The following ZSCAN4 variants were observed in gnomAD, a reference collection of about 807,000 sequenced individuals.
The protein encoded by ZSCAN4 is zinc finger and SCAN domain-containing protein 4.
In ZSCAN4, 18 loss-of-function variants were observed where a neutral mutation model predicts 18.3. That is an observed-to-expected ratio of 0.98 (90% CI 0.68 to 1.46). The LOEUF (loss-of-function observed/expected upper bound fraction) is 1.46, where lower values mean the gene tolerates loss of function less well. ZSCAN4 is among the 40% of genes most tolerant of loss of function. The pLI is 0.00. For missense variants in ZSCAN4, 498 were observed against 511.4 expected (o/e 0.97, Z 0.25); for synonymous variants, 193 against 180.3 (o/e 1.07, Z -0.57).
At chr19:57,676,118 A>C (rs1477450436) in exon 3 of ZSCAN4, 19 of 1,571,642 alleles carry the variant, frequency 1.2e-5, no homozygotes, top group Non-Finnish European at 1.5e-5. Context: ...TCATCAAAGT[A>C]AAGTCTCTCT....
chr19:57,669,532 ATTC>A (rs1451633557), intron 1 of ZSCAN4, among the ~76,000 whole-genome samples: 1 of 151,982 alleles, frequency 6.6e-6, no homozygotes, highest in Non-Finnish European at 1.5e-5. Context: ...GGTTCAAACA[ATTC>A]TTCTGCTCAG....
the ZSCAN4 span, among the ~76,000 whole-genome samples, chr19:57,656,534 G>A: frequency 6.6e-6 from 1 of 152,146 alleles, no homozygotes; most frequent in African/African-American, 2.4e-5. Flanking sequence ...TGCCCAGTTT[G>A]TGGTCAGACT....
intron 2 of ZSCAN4, among the ~76,000 whole-genome samples, chr19:57,671,323 T>A (rs900137830): frequency 1.3e-5 from 2 of 152,206 alleles, no homozygotes; most frequent in Non-Finnish European, 2.9e-5. Context: ...TGTTTTGAAT[T>A]CCCAGGTTCT....
chr19:57,674,956 G>GTTTT lies in ZSCAN4; in HGVS notation c.-105-1068_-105-1065dup, dbSNP rs11303340. ...CTTTATAAAATATTTTTCACATCAA[G>GTTTT]TTTTTTTTTTTTTTTTTTTTAAGAG... On this transcript the variant is annotated intron_variant, in intron 2 of 4. Transcript: ENST00000318203. Among the ~76,000 whole-genome samples the GTTTT allele has an allele frequency of 3.9e-3, 501 of 128,552 alleles. 7 individuals are homozygous for GTTTT. Among genetic ancestry groups the GTTTT allele is most frequent in the African/African-American group, 0.014 (471 of 33,566 alleles). The allele number at this position is 128,552 out of a possible 152,430, so 84.3% of individuals were successfully genotyped here. A position where few individuals can be genotyped will look rare whatever the true frequency, so the allele number is the denominator to read the frequency against.
In ZSCAN4 at chr19:57,670,242, C is replaced by T. The variant is rs1219439132; in HGVS notation, c.-428-3C>T. 2 of 152,224 alleles carry T rather than the reference C, an allele frequency of 1.3e-5. No individual in the cohort carries two copies. The highest frequency in any genetic ancestry group is 1.9e-4 in the East Asian group (1 of 5,198). 9.4% of individuals were successfully genotyped at this position (152,224 alleles called of 1,614,324 possible). A position where few individuals can be genotyped will look rare whatever the true frequency, so the allele number is the denominator to read the frequency against. Reference sequence around the variant, plus strand: ...TGTGTTTGTTTATGACCTGTTGACCCAGGACCAGTGATGGTATAGAACACT... The same window carrying T: ...TGTGTTTGTTTATGACCTGTTGACCTAGGACCAGTGATGGTATAGAACACT... On this transcript the variant is annotated splice_polypyrimidine_tract_variant and splice_region_variant and intron_variant, in intron 1 of 4. Coordinates refer to ENST00000318203, the Ensembl canonical transcript of ZSCAN4.
the ZSCAN4 span, among the ~76,000 whole-genome samples, chr19:57,654,091 G>A: frequency 6.6e-6 from 1 of 152,120 alleles, no homozygotes; most frequent in Non-Finnish European, 1.5e-5. Context: ...AGAATATTCT[G>A]GACCTCTCCT....
At chr19:57,676,582 A>C (rs1320682221) in intron 3 of ZSCAN4, 41 bp downstream of exon 3, 1 of 1,551,406 alleles carries the variant, frequency 6.4e-7, no homozygotes, top group Non-Finnish European at 8.7e-7. Context: ...GAGACAAAGG[A>C]AAGTAAGGAA....
At chr19:57,662,587 A>C in the ZSCAN4 span, among the ~76,000 whole-genome samples, 1 of 152,038 alleles carries the variant, frequency 6.6e-6, no homozygotes, top group African/African-American at 2.4e-5. Flanking sequence ...TTTGAGAGGG[A>C]GTCTCACTCT....
chr19:57,676,238 T>G (rs149281562), exon 3 of ZSCAN4: 1 of 1,614,162 alleles, frequency 6.2e-7, no homozygotes. Context: ...GCCAAGGACC[T>G]GCTGTTCAGA....
chr19:57,665,406 A>C (rs1983827304), upstream of ZSCAN4, among the ~76,000 whole-genome samples: 1 of 152,130 alleles, frequency 6.6e-6, no homozygotes, highest in African/African-American at 2.4e-5. Context: ...TAGGCTGCTA[A>C]ATACAGGGAG....
the ZSCAN4 span, among the ~76,000 whole-genome samples, chr19:57,656,986 C>A: frequency 6.6e-6 from 1 of 150,986 alleles, no homozygotes; most frequent in Middle Eastern, 3.7e-3. Flanking sequence ...GATATCATAG[C>A]TGTAATTCCA....
At chr19:57,679,118 C>T in exon 5 of ZSCAN4, 1 of 389,408 alleles carries the variant, frequency 2.6e-6, no homozygotes, top group Non-Finnish European at 4.4e-6. Flanking sequence ...TTTCCAAGAA[C>T]CAATAAATTT....
chr19:57,668,167 G>A (rs1434281693), upstream of ZSCAN4, among the ~76,000 whole-genome samples: 1 of 152,130 alleles, frequency 6.6e-6, no homozygotes. Flanking sequence ...GCCTCCCAAA[G>A]TGCTGGGATT....
rs779067976 is a variant in ZSCAN4 at position 57,678,226 on chromosome 19, A to C, written c.623A>C (p.Asn208Thr). Residue 208 changes from asparagine to threonine, a missense_variant, in exon 5 of 5, where the codon AAT (asparagine) becomes ACT (threonine). Physicochemically the swap from Asn to Thr is moderately conservative, Grantham distance 65. Transcript: ENST00000318203. Reference sequence around the variant, plus strand: ...TCGAAAACTACTCGAGTAAATGAAAATATTACTAATCAAGGCAATCAAATA... The same window carrying C: ...TCGAAAACTACTCGAGTAAATGAAACTATTACTAATCAAGGCAATCAAATA... 13 of 1,614,070 alleles carry C rather than the reference A, an allele frequency of 8.1e-6. No individual in the cohort carries two copies. In the African/African-American group the frequency reaches 1.3e-4, roughly 17 times the overall value.
upstream of ZSCAN4, among the ~76,000 whole-genome samples, chr19:57,666,894 G>A (rs537894614): frequency 3.8e-4 from 49 of 128,314 alleles, 1 homozygote; most frequent in South Asian, 8.2e-3. Context: ...TTCCTACCAG[G>A]TTTTTATTAT....
the ZSCAN4 span, among the ~76,000 whole-genome samples, chr19:57,657,252 G>A: frequency 6.0e-5 from 9 of 150,542 alleles, no homozygotes; most frequent in Non-Finnish European, 1.0e-4. Flanking sequence ...GTGAAACTCC[G>A]TCTGCCCTCC....
At chr19:57,658,618 G>T in the ZSCAN4 span, among the ~76,000 whole-genome samples, 1 of 152,118 alleles carries the variant, frequency 6.6e-6, no homozygotes, top group Non-Finnish European at 1.5e-5. Context: ...TAGATCACCT[G>T]AGATCAGGAG....
upstream of ZSCAN4, among the ~76,000 whole-genome samples, chr19:57,668,684 G>A (rs1051378952): frequency 1.3e-5 from 2 of 152,192 alleles, no homozygotes; most frequent in African/African-American, 2.4e-5. Context: ...ACCACACTAG[G>A]TGACCAGGCG....
rs138976234 is a variant in ZSCAN4, at chr19:57,669,402, C to T, written c.-429+199C>T. On this transcript the variant is annotated intron_variant, in intron 1 of 4. Transcript: ENST00000318203. ...TAATGTGGACCTTGTTACATTTTACCGCAGATTTTGTATTTTTGTGTGTGT... is the reference window on the plus strand; with the variant it reads ...TAATGTGGACCTTGTTACATTTTACTGCAGATTTTGTATTTTTGTGTGTGT... Among the ~76,000 whole-genome samples, 170 of 144,670 alleles carry T rather than the reference C, an allele frequency of 1.2e-3. 1 individual carries two copies. The highest frequency in any genetic ancestry group is 3.5e-3 in the African/African-American group (137 of 39,226). The allele number at this position is 144,670 out of a possible 152,430, so 94.9% of individuals were successfully genotyped here. A position where few individuals can be genotyped will look rare whatever the true frequency, so the allele number is the denominator to read the frequency against.
Sources: allele counts gnomAD v4.1 joint callset (sites outside exome capture counted in the v4.1 genomes callset), GRCh38; gene constraint gnomAD v4.1.1; transcripts MANE v1.5; gene names NCBI Gene and HGNC (gene_info 2026-07-23, HGNC 2026-07-21).